CPLX1: variants seen among roughly 807,000 people sequenced by gnomAD.
CPLX1 encodes the protein complexin-1.
A neutral mutation model predicts 15.6 loss-of-function variants in CPLX1; 6 were observed. The observed-to-expected ratio is 0.39, with a 90% CI of 0.21 to 0.76. The LOEUF is 0.76. CPLX1 is among the 30% of genes least tolerant of loss of function. CPLX1 has a pLI of 0.43. For synonymous variants in CPLX1, 91 were observed against 75.2 expected, an observed-to-expected ratio of 1.21 and a Z score of -1.08; for missense variants, 242 against 188.6, an observed-to-expected ratio of 1.28 and a Z score of -1.66.
chr4:793,730 C>A (rs981104871), intron 2 of CPLX1, among the ~76,000 whole-genome samples: 1 of 152,224 alleles, frequency 6.6e-6, no homozygotes, highest in South Asian at 2.1e-4. Flanking sequence ...TCTCCCCCCG[C>A]GGCCACCCGG....
intron 2 of CPLX1, chr4:804,977 C>T: frequency 1.0e-6 from 1 of 978,352 alleles, no homozygotes; most frequent in Non-Finnish European, 1.2e-6. Context: ...CGGCGGCCGG[C>T]TAGGGCGGGT....
chr4:816,682 T>C (rs992232294), intron 2 of CPLX1, among the ~76,000 whole-genome samples: 2 of 150,140 alleles, frequency 1.3e-5, no homozygotes, highest in African/African-American at 4.9e-5. Flanking sequence ...ATTAGCCAAG[T>C]GTGGTGGTAC....
chr4:812,481 C>A lies in CPLX1; in HGVS notation c.31+12011G>T, dbSNP rs575604834. The stretch of plus-strand genomic sequence containing the variant: ...TGCTTTTTAATGAGAGTGTTCCCAA[C>A]AGACAGAGAAGAAAAAGTCATAAAT... On this transcript the variant is annotated intron_variant, in intron 2 of 3. Coordinates refer to ENST00000304062, the MANE Select transcript of CPLX1 (RefSeq NM_006651.4). 1.2e-4 allele frequency among the ~76,000 whole-genome samples: 18 copies of A among 152,226 alleles called. No homozygotes were observed. In the East Asian group the frequency reaches 3.5e-3, roughly 29 times the overall value.
intron 3 of CPLX1, 168 bp from the exon 4 acceptor site, chr4:786,866 T>A: frequency 1.0e-6 from 1 of 970,732 alleles, no homozygotes; most frequent in Non-Finnish European, 1.2e-6. Context: ...CCCCGGGGGG[T>A]CCCTGGAGGA....
chr4:790,978 C>T (rs904828294), intron 3 of CPLX1, among the ~76,000 whole-genome samples: 1 of 89,848 alleles, frequency 1.1e-5, no homozygotes, highest in Non-Finnish European at 2.5e-5. Context: ...CTGTCTCTCC[C>T]TCTGTCTTCT....
In CPLX1 at chr4:823,704, C is replaced by T. The variant is rs139669660; in HGVS notation, c.31+788G>A. 7.2e-3 allele frequency among the ~76,000 whole-genome samples: 1,092 copies of T among 152,352 alleles called. 12 individuals carry two copies. Among genetic ancestry groups the T allele is most frequent in the Middle Eastern group, 0.041 (12 of 294 alleles). On this transcript the variant is annotated intron_variant, in intron 2 of 3. Coordinates refer to ENST00000304062, the MANE Select transcript of CPLX1 (RefSeq NM_006651.4). ...TTGACCCATCAGCTCTGCCGGGACACGTCTGTACCAGCATGGCCCAGGCCC... is the reference window on the plus strand; with the variant it reads ...TTGACCCATCAGCTCTGCCGGGACATGTCTGTACCAGCATGGCCCAGGCCC...
chr4:787,220 C>T, intron 3 of CPLX1: 2 of 985,410 alleles, frequency 2.0e-6, no homozygotes, highest in Non-Finnish European at 2.4e-6. Context: ...GCCGCTGCAG[C>T]TCCGTGGGCA....
rs1356878039 is a variant in CPLX1 at position 792,611 on chromosome 4, G to A, written c.32-3C>T. ...CTTCCCCATGTCCTTGGTGGCCCCT[G>A]GTACAGAAGTTGGTGATTCAGACCG... On this transcript the variant is annotated splice_polypyrimidine_tract_variant and splice_region_variant and intron_variant, in intron 2 of 3. Transcript: ENST00000304062. The A allele has an allele frequency of 3.7e-6, 6 of 1,610,198 alleles. No individual in the cohort carries two copies. Among genetic ancestry groups the A allele is most frequent in the Middle Eastern group, 1.7e-4 (1 of 6,058 alleles).
At chr4:790,378 C>G (rs190408696) in intron 3 of CPLX1, among the ~76,000 whole-genome samples, 1 of 152,148 alleles carries the variant, frequency 6.6e-6, no homozygotes, top group Non-Finnish European at 1.5e-5. Context: ...TAGGCCTGAC[C>G]GGCGAGCCCT....
At chr4:806,617 T>C (rs767339977) in intron 2 of CPLX1, among the ~76,000 whole-genome samples, 1 of 152,300 alleles carries the variant, frequency 6.6e-6, no homozygotes, top group East Asian at 1.9e-4. Flanking sequence ...ACCTACAGAA[T>C]TGGAGAAACA....
At chr4:793,752 G>C (rs1427603937) in intron 2 of CPLX1, among the ~76,000 whole-genome samples, 2 of 152,238 alleles carry the variant, frequency 1.3e-5, no homozygotes, top group Non-Finnish European at 2.9e-5. Context: ...CCCCTCTCGA[G>C]GTGCTCCTCA....
chr4:804,219 T>C (rs1746512818), intron 2 of CPLX1, among the ~76,000 whole-genome samples: 1 of 152,202 alleles, frequency 6.6e-6, no homozygotes, highest in East Asian at 1.9e-4. Flanking sequence ...CAGCCAATTA[T>C]CTCTTTCTCC....
intron 2 of CPLX1, among the ~76,000 whole-genome samples, chr4:816,684 TGGTG>T (rs1165625371): frequency 1.3e-5 from 2 of 149,688 alleles, no homozygotes; most frequent in African/African-American, 4.9e-5. Flanking sequence ...TAGCCAAGTG[TGGTG>T]GTACACACCT....
chr4:809,701 C>T (rs575986066), intron 2 of CPLX1, among the ~76,000 whole-genome samples: 1 of 152,370 alleles, frequency 6.6e-6, no homozygotes, highest in Non-Finnish European at 1.5e-5. Context: ...GCCATCACCA[C>T]AATCAAGACA....
intron 2 of CPLX1, among the ~76,000 whole-genome samples, chr4:795,438 C>T (rs1746305082): frequency 6.6e-6 from 1 of 152,356 alleles, no homozygotes; most frequent in African/African-American, 2.4e-5. Flanking sequence ...CCCCCGCCCC[C>T]GTTTCCAGAG....
chr4:822,163 C>CGTCTCTCCCCATCTCT (rs1174642141), intron 2 of CPLX1, among the ~76,000 whole-genome samples: 1 of 150,548 alleles, frequency 6.6e-6, no homozygotes, highest in Non-Finnish European at 1.5e-5. Context: ...TCTGATTCTC[C>CGTCTCTCCCCATCTCT]GTCTCTCCCC....
At chr4:791,017 T>C (rs1251706414) in intron 3 of CPLX1, among the ~76,000 whole-genome samples, 2 of 151,934 alleles carry the variant, frequency 1.3e-5, no homozygotes, top group African/African-American at 4.8e-5. Flanking sequence ...GTGTCTCTGT[T>C]CCTCTCTGTT....
At chr4:810,704 T>C (rs943463840) in intron 2 of CPLX1, among the ~76,000 whole-genome samples, 1 of 152,078 alleles carries the variant, frequency 6.6e-6, no homozygotes, top group African/African-American at 2.4e-5. Flanking sequence ...CTTTTTCTTT[T>C]TTTTTTTTCG....
chr4:801,739 C>G (rs1746464335), intron 2 of CPLX1, among the ~76,000 whole-genome samples: 1 of 152,228 alleles, frequency 6.6e-6, no homozygotes, highest in Admixed American at 6.5e-5. Context: ...GTCCTCAGAA[C>G]TTGTCCCTTT....
Sources: allele counts gnomAD v4.1 joint callset (sites outside exome capture counted in the v4.1 genomes callset), GRCh38; gene constraint gnomAD v4.1.1; transcripts MANE v1.5; gene names NCBI Gene and HGNC (gene_info 2026-07-23, HGNC 2026-07-21).